PPM1H: variants seen among roughly 807,000 people sequenced by gnomAD.
PPM1H encodes protein phosphatase 1H.
PPM1H carries 27 observed loss-of-function variants against 54.9 expected under a neutral mutation model. The ratio of observed to expected loss-of-function variants is 0.49; its 90% confidence interval spans 0.36 to 0.68. The LOEUF (loss-of-function observed/expected upper bound fraction) is 0.68. Among genes scored for constraint, PPM1H ranks in the 30% least tolerant of loss-of-function variants. The pLI is 0.00. For missense variants in PPM1H, 596 were observed against 667.8 expected (o/e 0.89, Z 1.19); for synonymous variants, 305 against 270.8 (o/e 1.13, Z -1.24).
intron 1 of PPM1H, among the ~76,000 whole-genome samples, chr12:62,933,697 A>G (rs1388429293): frequency 6.6e-6 from 1 of 152,104 alleles, no homozygotes; most frequent in African/African-American, 2.4e-5. Flanking sequence ...GTGGCCATGG[A>G]GCTGGGGGAA....
intron 4 of PPM1H, among the ~76,000 whole-genome samples, chr12:62,753,839 C>T (rs2076455290): frequency 1.3e-5 from 2 of 152,208 alleles, no homozygotes; most frequent in Admixed American, 1.3e-4. Flanking sequence ...TCCCACTAAC[C>T]TCATTTCCAC....
At chr12:62,847,033 T>C (rs1403704283) in intron 1 of PPM1H, among the ~76,000 whole-genome samples, 3 of 152,118 alleles carry the variant, frequency 2.0e-5, no homozygotes, top group Non-Finnish European at 2.9e-5. Flanking sequence ...CCCTCCTCCG[T>C]CCCATTCATA....
At chr12:62,843,574 A>G (rs1868839610) in intron 1 of PPM1H, among the ~76,000 whole-genome samples, 1 of 152,196 alleles carries the variant, frequency 6.6e-6, no homozygotes, top group Non-Finnish European at 1.5e-5. Flanking sequence ...ACAACAGACT[A>G]TAAATAAAAC....
intron 1 of PPM1H, among the ~76,000 whole-genome samples, chr12:62,890,374 C>T (rs73318245): frequency 0.028 from 4,326 of 152,206 alleles, 239 homozygotes; most frequent in African/African-American, 0.098. Flanking sequence ...GGGAGGAACG[C>T]TTGAGCCTGG....
intron 1 of PPM1H, among the ~76,000 whole-genome samples, chr12:62,898,529 A>C (rs1272745917): frequency 6.6e-6 from 1 of 152,218 alleles, no homozygotes; most frequent in African/African-American, 2.4e-5. Flanking sequence ...GTGGTTTTCA[A>C]AACAGTGCAA....
chr12:62,773,599 G>A (rs2076591529), intron 4 of PPM1H, among the ~76,000 whole-genome samples: 1 of 152,174 alleles, frequency 6.6e-6, no homozygotes, highest in Non-Finnish European at 1.5e-5. Flanking sequence ...CCCACATGCA[G>A]CCACTAAACC....
At chr12:62,724,722 G>A (rs2076280711) in intron 5 of PPM1H, among the ~76,000 whole-genome samples, 2 of 151,896 alleles carry the variant, frequency 1.3e-5, no homozygotes, top group South Asian at 4.2e-4. Context: ...CTTCCAGGAA[G>A]AAAAAAAGCA....
At chr12:62,764,865 G>A (rs2076531930) in intron 4 of PPM1H, among the ~76,000 whole-genome samples, 1 of 152,230 alleles carries the variant, frequency 6.6e-6, no homozygotes, top group Non-Finnish European at 1.5e-5. Context: ...TCAGGTAGAA[G>A]CAACTGCATG....
At chr12:62,683,037 TTATTATTATTA>T (rs1565755363) in intron 8 of PPM1H, among the ~76,000 whole-genome samples, 26 of 24,998 alleles carry the variant, frequency 1.0e-3, no homozygotes, top group African/African-American at 4.9e-3. Context: ...TTATTATTTA[TTATTATTATTA>T]TTATTATTAT....
At chr12:62,756,955 C>G (rs1336905044) in intron 4 of PPM1H, among the ~76,000 whole-genome samples, 3 of 152,138 alleles carry the variant, frequency 2.0e-5, no homozygotes, top group Admixed American at 2.0e-4. Flanking sequence ...AAGGGGAAAA[C>G]TCTCCTTCCA....
intron 8 of PPM1H, among the ~76,000 whole-genome samples, chr12:62,685,024 C>G (rs564596745): frequency 5.6e-4 from 85 of 152,232 alleles, no homozygotes; most frequent in Non-Finnish European, 8.8e-4. Context: ...ACCCCCTCCC[C>G]CCGCCACCCC....
At chr12:62,831,249 A>G (rs1256411268) in intron 2 of PPM1H, among the ~76,000 whole-genome samples, 1 of 152,198 alleles carries the variant, frequency 6.6e-6, no homozygotes, top group Non-Finnish European at 1.5e-5. Flanking sequence ...GATGATCAGA[A>G]TGAATAGTCA....
intron 2 of PPM1H, among the ~76,000 whole-genome samples, chr12:62,827,726 G>A (rs974910349): frequency 4.6e-5 from 7 of 151,954 alleles, no homozygotes; most frequent in African/African-American, 1.2e-4. Context: ...TTGTTAGCTC[G>A]CTTTACTTCT....
At chr12:62,762,189 G>A (rs2076513439) in intron 4 of PPM1H, among the ~76,000 whole-genome samples, 1 of 152,194 alleles carries the variant, frequency 6.6e-6, no homozygotes, top group Non-Finnish European at 1.5e-5. Context: ...TGCACAGGTG[G>A]TCAGGTGAGT....
intron 6 of PPM1H, among the ~76,000 whole-genome samples, chr12:62,706,125 A>G (rs2076172905): frequency 6.6e-6 from 1 of 152,240 alleles, no homozygotes; most frequent in South Asian, 2.1e-4. Context: ...CTTTGAACTG[A>G]TAACATTACA....
intron 6 of PPM1H, among the ~76,000 whole-genome samples, chr12:62,706,693 C>T (rs2076176434): frequency 6.6e-6 from 1 of 152,202 alleles, no homozygotes; most frequent in Admixed American, 6.5e-5. Flanking sequence ...CACTTCAGGT[C>T]TGTCCCAACA....
rs765819460 is a variant in PPM1H, at chr12:62,740,119, C to G, written c.870-2533G>C. On this transcript the variant is annotated intron_variant, in intron 4 of 9. Coordinates refer to ENST00000228705, the MANE Select transcript of PPM1H (RefSeq NM_020700.2). ...TGATACTCTCCTAATCCGAACTCCA[C>G]CTTTGAAATGTCCTTTTTTCTTTCC... 6.7e-4 allele frequency among the ~76,000 whole-genome samples: 102 copies of G among 152,206 alleles called. 1 individual carries two copies. The highest frequency in any genetic ancestry group is 2.4e-3 in the African/African-American group (99 of 41,438).
intron 4 of PPM1H, among the ~76,000 whole-genome samples, chr12:62,768,656 A>G (rs1215966678): frequency 1.6e-5 from 1 of 64,390 alleles, no homozygotes; most frequent in Non-Finnish European, 2.8e-5. Flanking sequence ...CTCTGTCTCA[A>G]AAAAAAAGAG....
intron 1 of PPM1H, among the ~76,000 whole-genome samples, chr12:62,873,738 G>A (rs1268059892): frequency 6.6e-6 from 1 of 152,224 alleles, no homozygotes; most frequent in Non-Finnish European, 1.5e-5. Context: ...GTAAAAGTTT[G>A]TGGGGACGGG....
Sources: gnomAD v4.1 joint callset for allele counts (sites outside exome capture counted in the v4.1 genomes callset) on GRCh38, gnomAD v4.1.1 for gene constraint, MANE v1.5 for transcripts, NCBI Gene and HGNC (gene_info 2026-07-23, HGNC 2026-07-21) for gene names.